The following NSF variants were observed in gnomAD, a reference collection of about 807,000 sequenced individuals.
NSF encodes the protein vesicle-fusing ATPase.
NSF carries 14 observed loss-of-function variants against 50.3 expected under a neutral mutation model. That is an observed-to-expected ratio of 0.28 (90% CI 0.18 to 0.44). The LOEUF is 0.44. Ranked by LOEUF, NSF falls within the 20% of genes least tolerant of loss-of-function variation. The pLI, the probability that NSF is intolerant of heterozygous loss-of-function variation, is 1.00. For synonymous variants in NSF, 109 were observed against 175.7 expected (o/e 0.62, Z 3.00); for missense variants, 218 against 504.3 (o/e 0.43, Z 5.44).
chr17:46,691,745 G>C (rs2058548414), intron 9 of NSF, among the ~76,000 whole-genome samples: 1 of 151,430 alleles, frequency 6.6e-6, no homozygotes, highest in Admixed American at 6.6e-5. Context: ...TACCAGTTTT[G>C]TTAATCCCTA....
chr17:46,726,572 C>T lies in NSF; in HGVS notation c.1785C>T (p.Ser595=). 4 of 1,613,866 alleles carry T rather than the reference C, an allele frequency of 2.5e-6. No individual in the cohort carries two copies. Among genetic ancestry groups the T allele is most frequent in the Non-Finnish European group, 3.4e-6 (4 of 1,179,872 alleles). ...MKKIFDDAYK[S]QLSCVVVDDI... Reference sequence around the variant, plus strand: ...AGATCTTTGATGATGCGTACAAATCCCAGCTCAGTTGTGTGGTTGTGGATG... The same window carrying T: ...AGATCTTTGATGATGCGTACAAATCTCAGCTCAGTTGTGTGGTTGTGGATG... Residue 595 remains serine (S), a synonymous_variant, in exon 16 of 21, where the codon TCC becomes TCT. Transcript: ENST00000398238.
rs139039770 is a variant in NSF at position 46,719,707 on chromosome 17, TA to T, written c.1761+5726del. 6.6e-6 allele frequency among the ~76,000 whole-genome samples: 1 copy of T among 152,222 alleles called. No individual in the cohort carries two copies. The highest frequency in any genetic ancestry group is 6.5e-5 in the Admixed American group (1 of 15,282). On this transcript the variant is annotated intron_variant, in intron 15 of 20. Coordinates refer to ENST00000398238, the MANE Select transcript of NSF (RefSeq NM_006178.4). The surrounding 1 kb of genome is among the most constrained non-coding windows in gnomAD (Gnocchi z 4.3). ...ATCCATTTTTGCATCAATACTTGTT[TA>T]AAAATCTATTTTACTAGTTCTATTC...
intron 17 of NSF, 60 bp from the exon 18 acceptor site, chr17:46,749,713 C>T (rs1175464727): frequency 6.9e-7 from 1 of 1,459,738 alleles, no homozygotes; most frequent in Non-Finnish European, 9.2e-7. Flanking sequence ...TTCAAGCTTA[C>T]TGTAGTTTCC....
chr17:46,750,289 G>A lies in NSF; in HGVS notation c.2043+382G>A, dbSNP rs575505505. Among the ~76,000 whole-genome samples, 23 of 152,304 alleles carry A rather than the reference G, an allele frequency of 1.5e-4. No homozygotes were observed. In the South Asian group the frequency reaches 3.3e-3, roughly 22 times the overall value. ...AATCTCTTGAACCCAGGAGGCGGAGGTTGCAGTGAGCCAAGATTGTGCCAC... is the reference window on the plus strand; with the variant it reads ...AATCTCTTGAACCCAGGAGGCGGAGATTGCAGTGAGCCAAGATTGTGCCAC... On this transcript the variant is annotated intron_variant, in intron 18 of 20. Transcript: ENST00000398238.
At chr17:46,715,112 G>A (rs978647358) in intron 15 of NSF, among the ~76,000 whole-genome samples, 2 of 152,178 alleles carry the variant, frequency 1.3e-5, no homozygotes, top group African/African-American at 2.4e-5. Context: ...GGAGGAAGCC[G>A]AACTTGTAGC....
intron 15 of NSF, among the ~76,000 whole-genome samples, chr17:46,714,632 C>T (rs2058750892): frequency 6.6e-6 from 1 of 152,188 alleles, no homozygotes; most frequent in South Asian, 2.1e-4. Context: ...AAGCAAGTGC[C>T]ATGCAACAAC....
At chr17:46,723,394 C>T (rs576613178) in intron 15 of NSF, among the ~76,000 whole-genome samples, 3 of 152,300 alleles carry the variant, frequency 2.0e-5, no homozygotes, top group Non-Finnish European at 2.9e-5. Context: ...ACATTGGCTG[C>T]GGTTCCATCT....
chr17:46,715,657 A>G (rs1015199508), intron 15 of NSF, among the ~76,000 whole-genome samples: 1 of 152,184 alleles, frequency 6.6e-6, no homozygotes. Flanking sequence ...GATCAAAGCT[A>G]CTTTGTAAGT....
At chr17:46,716,516 C>T (rs571521170) in intron 15 of NSF, among the ~76,000 whole-genome samples, 17 of 152,238 alleles carry the variant, frequency 1.1e-4, no homozygotes, top group Admixed American at 2.6e-4. Context: ...CTCAGCCTCC[C>T]GAAGTGCTGG....
Position 46,610,099 on chromosome 17 carries a change from TTCTCTC to T in NSF, c.13-14123_13-14118del, listed in dbSNP as rs369452486. Among the ~76,000 whole-genome samples, 337 of 89,482 alleles carry T rather than the reference TTCTCTC, an allele frequency of 3.8e-3. 1 individual carries two copies. Among genetic ancestry groups the T allele is most frequent in the African/African-American group, 0.013 (296 of 22,906 alleles). 58.7% of individuals were successfully genotyped at this position (89,482 alleles called of 152,430 possible). A position where few individuals can be genotyped will look rare whatever the true frequency, so the allele number is the denominator to read the frequency against. On this transcript the variant is annotated intron_variant, in intron 1 of 20. Transcript: ENST00000398238. ...TTCCTTCTTTCTTTCTTTTCTCTCT[TTCTCTC>T]TCTCTCTCTCTCTCTCTCTCTTCCT...
intron 8 of NSF, among the ~76,000 whole-genome samples, chr17:46,657,494 T>C (rs2058269410): frequency 6.8e-6 from 1 of 146,408 alleles, no homozygotes; most frequent in African/African-American, 2.5e-5. Context: ...AGACTAGAAA[T>C]AGAAACTTTT....
At chr17:46,708,491 CTTTTT>C (rs140361958) in intron 13 of NSF, among the ~76,000 whole-genome samples, 1 of 124,856 alleles carries the variant, frequency 8.0e-6, no homozygotes, top group South Asian at 2.5e-4. Flanking sequence ...GTTACATATC[CTTTTT>C]TTTTTTTTTT....
chr17:46,730,439 A>C (rs554686420), intron 17 of NSF, among the ~76,000 whole-genome samples: 6 of 152,142 alleles, frequency 3.9e-5, no homozygotes, highest in Non-Finnish European at 7.4e-5. Flanking sequence ...ACAGAGGTAC[A>C]CCCCCTTGGC....
intron 15 of NSF, among the ~76,000 whole-genome samples, chr17:46,717,217 C>G (rs2058781416): frequency 6.6e-6 from 1 of 152,112 alleles, no homozygotes; most frequent in African/African-American, 2.4e-5. Context: ...ACCTGGAAGA[C>G]CTCATGTTAA....
At chr17:46,735,448 T>G (rs1194856297) in intron 17 of NSF, among the ~76,000 whole-genome samples, 1 of 152,110 alleles carries the variant, frequency 6.6e-6, no homozygotes, top group Non-Finnish European at 1.5e-5. Flanking sequence ...ACTTACTCTT[T>G]GTATTGAACT....
rs534895331 is a variant in NSF at position 46,737,947 on chromosome 17, T to G, written c.1908+9013T>G. Among the ~76,000 whole-genome samples, 279 of 146,166 alleles carry G rather than the reference T, an allele frequency of 1.9e-3. 1 individual carries two copies. The highest frequency in any genetic ancestry group is 6.9e-3 in the African/African-American group (267 of 38,444). ...ATTATTATTATTATTATTATTATTA[T>G]TATTAGAGATAGGATCTTGCTGTGT... On this transcript the variant is annotated intron_variant, in intron 17 of 20. Transcript: ENST00000398238.
intron 15 of NSF, 99 bp downstream of exon 15, chr17:46,714,085 G>A (rs1006359141): frequency 7.8e-7 from 1 of 1,280,302 alleles, no homozygotes; most frequent in Non-Finnish European, 1.0e-6. Context: ...TAAACCCATA[G>A]CAACTATGTT....
rs2059228925 is a variant in NSF at position 46,755,855 on chromosome 17, G to A, written c.*32G>A. ...ACTATTTGAAACACACAGTGACCAAGGGAAGTGACCAAGGTGAAGATGGCC... is the reference window on the plus strand; with the variant it reads ...ACTATTTGAAACACACAGTGACCAAAGGAAGTGACCAAGGTGAAGATGGCC... On this transcript the variant is annotated 3_prime_UTR_variant, in exon 21 of 21. Coordinates refer to ENST00000398238, the MANE Select transcript of NSF (RefSeq NM_006178.4). The A allele has an allele frequency of 6.2e-7, 1 of 1,607,882 alleles. No homozygotes were observed. Among genetic ancestry groups the A allele is most frequent in the South Asian group, 1.1e-5 (1 of 90,144 alleles).
At chr17:46,707,323 T>A (rs1441514164) in intron 13 of NSF, among the ~76,000 whole-genome samples, 1 of 152,240 alleles carries the variant, frequency 6.6e-6, no homozygotes, top group Non-Finnish European at 1.5e-5. Flanking sequence ...TTGTACTGCT[T>A]ATTTGATTGA....
Sources: gnomAD v4.1 joint callset for allele counts (sites outside exome capture counted in the v4.1 genomes callset) on GRCh38, gnomAD v4.1.1 for gene constraint, Gnocchi (gnomAD v3.1) non-coding constraint, MANE v1.5 for transcripts, NCBI Gene and HGNC (gene_info 2026-07-23, HGNC 2026-07-21) for gene names.